IL1F10: variants seen among roughly 807,000 people sequenced by gnomAD.
The protein encoded by IL1F10 is interleukin-1 family member 10.
In IL1F10, 13 loss-of-function variants were observed where a neutral mutation model predicts 13.1. The observed-to-expected ratio is 0.99, with a 90% CI of 0.64 to 1.57. IL1F10 has a LOEUF of 1.57. Among genes scored for constraint, IL1F10 ranks in the 40% most tolerant of loss-of-function variants. IL1F10 has a pLI of 0.00. For synonymous variants in IL1F10, 78 were observed against 68.2 expected (o/e 1.14, Z -0.71); for missense variants, 191 against 184.1 (o/e 1.04, Z -0.22).
chr2:113,074,197 C>T, intron 2 of IL1F10, 132 bp from the exon 3 acceptor site: 2 of 660,492 alleles, frequency 3.0e-6, no homozygotes, highest in Non-Finnish European at 5.6e-6. Flanking sequence ...GACCATTCCC[C>T]TCTTACCACC....
intron 1 of IL1F10, among the ~76,000 whole-genome samples, chr2:113,068,999 TCTACA>T (rs1381970087): frequency 3.7e-4 from 56 of 152,342 alleles, no homozygotes; most frequent in Non-Finnish European, 2.1e-4. Flanking sequence ...AAGCTGTAAC[TCTACA>T]CTGGTAATTA....
chr2:113,074,296 G>C (rs1413651005), intron 2 of IL1F10, 33 bp from the exon 3 acceptor site: 2 of 1,391,898 alleles, frequency 1.4e-6, no homozygotes, highest in East Asian at 2.3e-5. Flanking sequence ...TGCATAAAGG[G>C]AATGGGCCAT....
At position 113,074,412 on chromosome 2, in the gene IL1F10, C is replaced by T. The variant is rs1461946620; in HGVS notation, c.116C>T (p.Ala39Val). Residue 39 changes from alanine (A) to valine (V), a missense_variant and splice_region_variant, in exon 3 of 5, where the codon GCA becomes GTA. By Grantham distance (64) the Ala-to-Val change is moderately conservative. Coordinates refer to ENST00000341010, the MANE Select transcript of IL1F10 (RefSeq NM_173161.3). ...GATCCTGTTGCAGACAACTGCTGTG[C>T]AGGTGAGCTTCTGGGGCCTCCACCC... ...VGDPVADNCC[A>V]EKICILPNRG... is the part of the protein sequence containing the mutation. The T allele has an allele frequency of 3.1e-6, 5 of 1,611,770 alleles. No homozygotes were observed. The highest frequency in any genetic ancestry group is 1.7e-5 in the Admixed American group (1 of 59,988).
Position 113,075,330 on chromosome 2 carries a change from C to G in IL1F10, c.425C>G (p.Ala142Gly). 1 of 1,593,960 alleles carries G rather than the reference C, an allele frequency of 6.3e-7. No homozygotes were observed. Among genetic ancestry groups the G allele is most frequent in the Non-Finnish European group, 8.6e-7 (1 of 1,165,142 alleles). Residue 142 changes from alanine to glycine, a missense_variant, in exon 5 of 5, where the codon GCC (alanine) becomes GGC (glycine). Transcript: ENST00000341010. ...VQLTKESEPS[A>G]RTKFYFEQSW ...CTCACCAAGGAGAGTGAGCCCTCAG[C>G]CCGTACCAAGTTTTACTTTGAACAG...
Position 113,075,238 on chromosome 2 carries a change from G to A in IL1F10, c.333G>A (p.Arg111=), listed in dbSNP as rs769214678. 5 of 1,613,826 alleles carry A rather than the reference G, an allele frequency of 3.1e-6. No individual in the cohort carries two copies. In the African/African-American group the frequency reaches 5.3e-5, roughly 17 times the overall value. The change falls in exon 5 of 5, where the codon AGG becomes AGA. Residue 111 remains arginine, a synonymous_variant. Coordinates refer to ENST00000341010, the MANE Select transcript of IL1F10 (RefSeq NM_173161.3). The part of the protein sequence containing the change: ...FFQSSSGSAF[R]LEAAAWPGWF... ...AGAGCAGCTCAGGCTCCGCCTTCAG[G>A]CTTGAGGCTGCTGCCTGGCCTGGCT...
At chr2:113,074,508 C>T in intron 3 of IL1F10, 94 bp downstream of exon 3, 2 of 1,148,456 alleles carry the variant, frequency 1.7e-6, no homozygotes, top group East Asian at 4.7e-5. Context: ...CAGCAGCTGC[C>T]CCCAGTGACA....
rs761452549 is a variant in IL1F10 at position 113,074,767 on chromosome 2, G to A, written c.163G>A (p.Val55Ile). The change falls in exon 4 of 5, where the codon GTC becomes ATC. Residue 55 changes from valine to isoleucine, a missense_variant. Val to Ile is a conservative substitution (Grantham distance 29, BLOSUM62 3). Transcript: ENST00000341010. ...TAACAGAGGCTTGGCCCGCACCAAG[G>A]TCCCCATTTTCCTGGGGATCCAGGG... Reference protein sequence around the residue: ...LPNRGLARTKVPIFLGIQGGS... With the variant: ...LPNRGLARTKIPIFLGIQGGS... 1.4e-5 allele frequency: 23 copies of A among 1,613,558 alleles called. No homozygotes were observed. Among genetic ancestry groups the A allele is most frequent in the Middle Eastern group, 1.7e-4 (1 of 6,016 alleles).
At chr2:113,072,857 CCTT>C in intron 2 of IL1F10, 87 bp downstream of exon 2, 1 of 1,152,572 alleles carries the variant, frequency 8.7e-7, no homozygotes, top group Non-Finnish European at 1.3e-6. Context: ...GGATGAGGCT[CCTT>C]CTCACCTTAG....
chr2:113,069,576 G>T (rs1396193492), intron 1 of IL1F10, among the ~76,000 whole-genome samples: 2 of 152,200 alleles, frequency 1.3e-5, no homozygotes, highest in Admixed American at 1.3e-4. Context: ...GGGCTGGGAG[G>T]AGAAGATAAT....
intron 1 of IL1F10, among the ~76,000 whole-genome samples, chr2:113,068,772 C>T (rs1227003843): frequency 1.3e-5 from 2 of 152,142 alleles, no homozygotes; most frequent in South Asian, 2.1e-4. Context: ...ATAAGGGAAA[C>T]AAATATCTTT....
intron 3 of IL1F10, 50 bp downstream of exon 3, chr2:113,074,464 C>A: frequency 7.2e-7 from 1 of 1,395,884 alleles, no homozygotes; most frequent in South Asian, 1.2e-5. Flanking sequence ...TAGGCCCTCC[C>A]TTCTCTTCTT....
At position 113,072,731 on chromosome 2, in the gene IL1F10, T is replaced by C. The variant is rs200206335; in HGVS notation, c.-8T>C. Reference sequence around the variant, plus strand: ...ATCAGTGAGGACCAGACACCACTGATTGCAGGAATGTGTTCCCTCCCCATG... The same window carrying C: ...ATCAGTGAGGACCAGACACCACTGACTGCAGGAATGTGTTCCCTCCCCATG... On this transcript the variant is annotated 5_prime_UTR_variant, in exon 2 of 5. Coordinates refer to ENST00000341010, the MANE Select transcript of IL1F10 (RefSeq NM_173161.3). 2.1e-4 allele frequency: 336 copies of C among 1,612,952 alleles called. 3 individuals carry two copies. In the African/African-American group the frequency reaches 3.8e-3, roughly 18 times the overall value.
At position 113,075,435 on chromosome 2, in the gene IL1F10, C is replaced by A; in HGVS notation, c.*71C>A. 1 of 1,119,816 alleles carries A rather than the reference C, an allele frequency of 8.9e-7. No homozygotes were observed. Among genetic ancestry groups the A allele is most frequent in the Non-Finnish European group, 1.3e-6 (1 of 779,576 alleles). The allele number at this position is 1,119,816 out of a possible 1,614,324, so 69.4% of individuals were successfully genotyped here. A position where few individuals can be genotyped will look rare whatever the true frequency, so the allele number is the denominator to read the frequency against. ...CATCCTGCTCAGGGTCTATGGTAGG[C>A]AGAATAATGTCCCCCGAAATATGTC... On this transcript the variant is annotated 3_prime_UTR_variant, in exon 5 of 5. Coordinates refer to ENST00000341010, the MANE Select transcript of IL1F10 (RefSeq NM_173161.3).
chr2:113,073,565 T>C (rs1229656085), intron 2 of IL1F10, among the ~76,000 whole-genome samples: 1 of 152,228 alleles, frequency 6.6e-6, no homozygotes, highest in Non-Finnish European at 1.5e-5. Flanking sequence ...GCATGTGAGT[T>C]GTCACATCTG....
chr2:113,071,317 C>T (rs1026172113), intron 1 of IL1F10, among the ~76,000 whole-genome samples: 1 of 152,128 alleles, frequency 6.6e-6, no homozygotes, highest in Non-Finnish European at 1.5e-5. Context: ...AATTTCTTAG[C>T]CAATTACCTA....
At chr2:113,074,136 G>A (rs983296691) in intron 2 of IL1F10, among the ~76,000 whole-genome samples, 193 bp from the exon 3 acceptor site, 1 of 152,158 alleles carries the variant, frequency 6.6e-6, no homozygotes, top group African/African-American at 2.4e-5. Context: ...AAGAACACAG[G>A]AGACCTTCCT....
At chr2:113,075,050 A>C in intron 4 of IL1F10, 102 bp from the exon 5 acceptor site, 1 of 1,292,974 alleles carries the variant, frequency 7.7e-7, no homozygotes, top group Non-Finnish European at 1.1e-6. Flanking sequence ...TTGGGTAAAA[A>C]CCAGCCCTGT....
chr2:113,073,819 A>G (rs146605699), intron 2 of IL1F10, among the ~76,000 whole-genome samples: 2 of 152,320 alleles, frequency 1.3e-5, no homozygotes, highest in African/African-American at 4.8e-5. Context: ...TTTGAAACCA[A>G]CTAGGTGACT....
chr2:113,075,212 C>T lies in IL1F10; in HGVS notation c.307C>T (p.Gln103Ter), dbSNP rs1685917249. The change falls in exon 5 of 5, where the codon CAG becomes TAG. Residue 103 changes from glutamine to a stop codon, truncating the protein, a stop_gained. Coordinates refer to ENST00000341010, the MANE Select transcript of IL1F10 (RefSeq NM_173161.3). LOFTEE classifies it high-confidence loss of function. ...GEEATRFTFFQSSSGSAFRLE... is the reference protein window; with the variant it reads ...GEEATRFTFF ...AGAGGCCACACGCTTCACCTTCTTC[C>T]AGAGCAGCTCAGGCTCCGCCTTCAG... The T allele has an allele frequency of 5.0e-6, 8 of 1,613,960 alleles. No individual in the cohort carries two copies. Among genetic ancestry groups the T allele is most frequent in the Non-Finnish European group, 6.8e-6 (8 of 1,179,952 alleles).
Sources: gnomAD v4.1 joint callset for allele counts (sites outside exome capture counted in the v4.1 genomes callset) on GRCh38, gnomAD v4.1.1 for gene constraint, MANE v1.5 for transcripts, NCBI Gene and HGNC (gene_info 2026-07-23, HGNC 2026-07-21) for gene names.